Variants in MAP3K13 observed in about 807,000 individuals in gnomAD.
MAP3K13 encodes the protein leucine zipper-bearing kinase.
In MAP3K13, 52 loss-of-function variants were observed where a neutral mutation model predicts 104.0. That is an observed-to-expected ratio of 0.50 (90% confidence interval 0.40 to 0.63). MAP3K13 has a LOEUF of 0.63. Ranked by LOEUF, MAP3K13 falls within the 20% of genes least tolerant of loss-of-function variation. The pLI is 0.00. For synonymous variants in MAP3K13, 394 were observed against 442.2 expected (o/e 0.89, Z 1.37); for missense variants, 914 against 1,218.5 (o/e 0.75, Z 3.72).
chr3:185,472,577 G>A lies in MAP3K13; in HGVS notation c.1644-398G>A, dbSNP rs140473601. ...TTCTTTGGGACGTTGTTCCATAAAC[G>A]TTTCATAAAGCGTCAATGTTTTCAC... On this transcript the variant is annotated intron_variant, in intron 10 of 13. Coordinates refer to ENST00000265026, the MANE Select transcript of MAP3K13 (RefSeq NM_004721.5). Among the ~76,000 whole-genome samples the A allele has an allele frequency of 2.6e-3, 396 of 152,184 alleles. 1 individual carries two copies. Among genetic ancestry groups the A allele is most frequent in the African/African-American group, 9.2e-3 (383 of 41,506 alleles).
At chr3:185,455,834 T>TATATATATGAGATATATATGAG (rs1347984172) in intron 7 of MAP3K13, among the ~76,000 whole-genome samples, 1 of 10,098 alleles carries the variant, frequency 9.9e-5, no homozygotes, top group Non-Finnish European at 6.4e-4. Flanking sequence ...ATATATGAGA[T>TATATATATGAGATATATATGAG]ATATATATGA....
At chr3:185,466,276 G>A (rs146168122) in intron 9 of MAP3K13, among the ~76,000 whole-genome samples, 2 of 151,518 alleles carry the variant, frequency 1.3e-5, no homozygotes, top group East Asian at 3.9e-4. Context: ...TTCTGTCATT[G>A]TATTATGTTG....
At position 185,428,744 on chromosome 3, in the gene MAP3K13, G is replaced by C; in HGVS notation, c.163G>C (p.Glu55Gln). 6.2e-7 allele frequency: 1 copy of C among 1,614,214 alleles called. No homozygotes were observed. The highest frequency in any genetic ancestry group is 8.5e-7 in the Non-Finnish European group (1 of 1,180,044). The change falls in exon 2 of 14, where the codon GAG (glutamate) becomes CAG (glutamine). Residue 55 changes from glutamate (E) to glutamine (Q), a missense_variant. Physicochemically the swap from Glu to Gln is conservative, Grantham distance 29. Around this residue, in one of 3 missense-constraint regions of MAP3K13, gnomAD observed 156 missense variants for 159.8 expected, o/e 0.98. Coordinates refer to ENST00000265026, the MANE Select transcript of MAP3K13 (RefSeq NM_004721.5). The stretch of plus-strand genomic sequence containing the variant: ...GCAGGAAAAGGGGATGGTACGAACA[G>C]AGCTAATCGAGAGCGTGCACAGCCC... ...DQQEKGMVRT[E>Q]LIESVHSPVT...
intron 1 of MAP3K13, among the ~76,000 whole-genome samples, chr3:185,374,480 A>T (rs1724325825): frequency 6.6e-6 from 1 of 152,174 alleles, no homozygotes; most frequent in African/African-American, 2.4e-5. Context: ...ATGATTGCTG[A>T]TGGCCTGGAT....
intron 5 of MAP3K13, 134 bp from the exon 6 acceptor site, chr3:185,449,766 T>C: frequency 1.4e-6 from 1 of 709,868 alleles, no homozygotes; most frequent in Admixed American, 3.1e-5. Context: ...CCCAGATGTT[T>C]CTGTTTTTCT....
At chr3:185,457,917 C>T (rs914875045) in intron 7 of MAP3K13, among the ~76,000 whole-genome samples, 1 of 152,144 alleles carries the variant, frequency 6.6e-6, no homozygotes, top group African/African-American at 2.4e-5. Flanking sequence ...ACTGTGTGGT[C>T]TTGGCTAAGT....
chr3:185,344,871 AC>A (rs1215563284), intron 2 of MAP3K13, among the ~76,000 whole-genome samples: 1 of 150,052 alleles, frequency 6.7e-6, no homozygotes, highest in African/African-American at 2.5e-5. Flanking sequence ...CTTCATTTCT[AC>A]TAATCTCATA....
At chr3:185,477,602 C>T (rs1235845376) in intron 12 of MAP3K13, among the ~76,000 whole-genome samples, 1 of 152,222 alleles carries the variant, frequency 6.6e-6, no homozygotes. Flanking sequence ...ATTCATTTTA[C>T]AGCAACTTCA....
At position 185,428,510 on chromosome 3, in the gene MAP3K13, C is replaced by G. The variant is rs1714554768; in HGVS notation, c.-72C>G. 1 of 1,503,534 alleles carries G rather than the reference C, an allele frequency of 6.7e-7. No individual in the cohort carries two copies. Among genetic ancestry groups the G allele is most frequent in the South Asian group, 1.4e-5 (1 of 71,710 alleles). 93.1% of individuals were successfully genotyped at this position (1,503,534 alleles called of 1,614,324 possible). ...TGTTTTTCTCAGGTTTTGGAGCCCTCTCTTAAGTCAGAACTCTGTCCCAAA... is the reference window on the plus strand; with the variant it reads ...TGTTTTTCTCAGGTTTTGGAGCCCTGTCTTAAGTCAGAACTCTGTCCCAAA... On this transcript the variant is annotated 5_prime_UTR_variant, in exon 2 of 14. Transcript: ENST00000265026.
intron 3 of MAP3K13, among the ~76,000 whole-genome samples, chr3:185,438,510 TC>T (rs1577559187): frequency 1.3e-5 from 2 of 152,334 alleles, no homozygotes; most frequent in East Asian, 3.9e-4. Flanking sequence ...CATTCAGCTT[TC>T]TTAACCTAAT....
upstream of MAP3K13, among the ~76,000 whole-genome samples, chr3:185,361,268 T>A (rs1409806634): frequency 6.6e-6 from 1 of 151,808 alleles, no homozygotes; most frequent in African/African-American, 2.4e-5. Flanking sequence ...TTCCATTAGT[T>A]AGTCTGTATT....
At chr3:185,477,040 C>G in intron 11 of MAP3K13, 2 of 535,830 alleles carry the variant, frequency 3.7e-6, no homozygotes, top group Non-Finnish European at 7.1e-6. Flanking sequence ...CTCCATCACT[C>G]ACCTCTGGAC....
chr3:185,290,644 G>T (rs1168537678), intron 2 of MAP3K13, among the ~76,000 whole-genome samples: 1 of 152,114 alleles, frequency 6.6e-6, no homozygotes, highest in East Asian at 1.9e-4. Flanking sequence ...TACCAGCTCG[G>T]TAATTACCTG....
chr3:185,286,068 G>GT lies in MAP3K13; in HGVS notation c.-86+428dup, dbSNP rs559738490. Among the ~76,000 whole-genome samples the GT allele has an allele frequency of 2.6e-5, 4 of 152,090 alleles. No individual in the cohort carries two copies. In the South Asian group the frequency reaches 8.3e-4, roughly 32 times the overall value. On this transcript the variant is annotated intron_variant, in intron 2 of 14. Transcript: ENST00000424227. ...TGATTAGTTTTATCTTGTGCCTCAG[G>GT]TTTAAGCAAGAAAAGAGGCCAAAAA...
chr3:185,448,298 C>T (rs1715701505), intron 5 of MAP3K13, among the ~76,000 whole-genome samples: 1 of 152,162 alleles, frequency 6.6e-6, no homozygotes, highest in African/African-American at 2.4e-5. Context: ...AGTACAAGAG[C>T]TTACCTAATC....
At chr3:185,300,889 A>G (rs1721082308) in intron 2 of MAP3K13, among the ~76,000 whole-genome samples, 1 of 152,212 alleles carries the variant, frequency 6.6e-6, no homozygotes. Flanking sequence ...GGCTATTGTG[A>G]CCAATACTGC....
rs115464254 is a variant in MAP3K13, at chr3:185,319,803, A to G, written c.-86+34160A>G. ...GAAATAATTATTCCCTAGGATATCA[A>G]TTCAGATTTGCTTTCTCGAAACATG... On this transcript the variant is annotated intron_variant, in intron 2 of 14. Transcript: ENST00000424227. Among the ~76,000 whole-genome samples, 748 of 152,358 alleles carry G rather than the reference A, an allele frequency of 4.9e-3. 3 individuals carry two copies. Among genetic ancestry groups the G allele is most frequent in the Non-Finnish European group, 8.6e-3 (584 of 68,036 alleles).
At chr3:185,419,801 T>A (rs1714015902) in intron 1 of MAP3K13, among the ~76,000 whole-genome samples, 1 of 152,310 alleles carries the variant, frequency 6.6e-6, no homozygotes, top group East Asian at 1.9e-4. Flanking sequence ...GATTTATGGA[T>A]AAATCATTCC....
chr3:185,396,312 G>T (rs1007561741), intron 1 of MAP3K13, among the ~76,000 whole-genome samples: 1 of 152,162 alleles, frequency 6.6e-6, no homozygotes, highest in African/African-American at 2.4e-5. Context: ...GGGGGTTGCA[G>T]TGAGCCCAGA....
Sources: gnomAD v4.1 joint callset for allele counts (sites outside exome capture counted in the v4.1 genomes callset) on GRCh38, gnomAD v4.1.1 for gene constraint, gnomAD v4.1.1 regional missense constraint, MANE v1.5 for transcripts, NCBI Gene and HGNC (gene_info 2026-07-23, HGNC 2026-07-21) for gene names.